The following GPX2 variants were observed in gnomAD, a reference collection of about 807,000 sequenced individuals.
GPX2 encodes the protein gastrointestinal glutathione peroxidase.
A neutral mutation model predicts 14.1 loss-of-function variants in GPX2; 21 were observed. The ratio of observed to expected loss-of-function variants is 1.48; its 90% CI spans 1.05 to 2.14. The LOEUF (loss-of-function observed/expected upper bound fraction) is 2.14. GPX2 is among the 30% of genes most tolerant of loss of function. The pLI, the probability that GPX2 is intolerant of heterozygous loss-of-function variation, is 0.00. For synonymous variants in GPX2, 94 were observed against 95.2 expected (o/e 0.99, Z 0.07); for missense variants, 241 against 249.8 (o/e 0.96, Z 0.24).
chr14:64,941,426 C>T, intron 1 of GPX2: 2 of 1,287,850 alleles, frequency 1.6e-6, no homozygotes, highest in Non-Finnish European at 2.0e-6. Flanking sequence ...TAGACTCCCT[C>T]CAGCAACTTG....
chr14:64,939,248 G>C lies in GPX2; in HGVS notation c.*240C>G. The C allele has an allele frequency of 1.9e-6, 1 of 523,078 alleles. No individual in the cohort carries two copies. Among genetic ancestry groups the C allele is most frequent in the Non-Finnish European group, 3.5e-6 (1 of 289,548 alleles). 32.4% of individuals were successfully genotyped at this position (523,078 alleles called of 1,614,324 possible). On this transcript the variant is annotated 3_prime_UTR_variant, in exon 2 of 2. Coordinates refer to ENST00000389614, the MANE Select transcript of GPX2 (RefSeq NM_002083.4). This position sits in a 1 kb window ranked among gnomAD's most constrained non-coding sequence, Gnocchi z 5.7. ...ACACCACCCATGAGGGTTTAGGAAG[G>C]TGCCATCATTCTGTGAAGGCCCAGA... is the stretch of plus-strand genomic sequence containing the variant.
At position 64,940,380 on chromosome 14, in the gene GPX2, C is replaced by G. The variant is rs1232281898; in HGVS notation, c.223-542G>C. 6.6e-6 allele frequency among the ~76,000 whole-genome samples: 1 copy of G among 152,140 alleles called. No individual in the cohort carries two copies. Among genetic ancestry groups the G allele is most frequent in the Admixed American group, 6.5e-5 (1 of 15,276 alleles). ...TCAATTGCACGTGTGTTGAGTATAG[C>G]CTTTGCCTCTGCCTACTCAGCTCCT... is the stretch of plus-strand genomic sequence containing the variant. On this transcript the variant is annotated intron_variant, in intron 1 of 1. Transcript: ENST00000389614. This position sits in a 1 kb window ranked among gnomAD's most constrained non-coding sequence, Gnocchi z 4.5.
Position 64,941,542 on chromosome 14 carries a change from CAG to C in GPX2, c.222+961_222+962del, listed in dbSNP as rs1476537431. The C allele has an allele frequency of 2.3e-6, 3 of 1,286,558 alleles. No homozygotes were observed. In the East Asian group the frequency reaches 1.7e-4, roughly 72 times the overall value. The allele number at this position is 1,286,558 out of a possible 1,614,324, so 79.7% of individuals were successfully genotyped here. A position where few individuals can be genotyped will look rare whatever the true frequency, so the allele number is the denominator to read the frequency against. On this transcript the variant is annotated intron_variant, in intron 1 of 1. Transcript: ENST00000389614. ...CTCTCCTGCTCTAGAAAAGGCCAGA[CAG>C]AAAACTTAGGGAAGAACAGTGAGAG...
In GPX2 at chr14:64,940,044, G is replaced by A. The variant is rs1885542788; in HGVS notation, c.223-206C>T. 1 of 1,472,580 alleles carries A rather than the reference G, an allele frequency of 6.8e-7. No homozygotes were observed. Among genetic ancestry groups the A allele is most frequent in the African/African-American group, 1.4e-5 (1 of 70,402 alleles). 91.2% of individuals were successfully genotyped at this position (1,472,580 alleles called of 1,614,324 possible). A position where few individuals can be genotyped will look rare whatever the true frequency, so the allele number is the denominator to read the frequency against. ...CATTCCTCCTGCTTCAGCCTCTTTA[G>A]TAGCTGAGACTACAGACACAGGCCA... is the stretch of plus-strand genomic sequence containing the variant. On this transcript the variant is annotated intron_variant, in intron 1 of 1. Transcript: ENST00000389614. This position sits in a 1 kb window ranked among gnomAD's most constrained non-coding sequence, Gnocchi z 4.5.
Position 64,942,741 on chromosome 14 carries a change from T to A in GPX2, c.-15A>T. The A allele has an allele frequency of 6.2e-7, 1 of 1,603,728 alleles. No homozygotes were observed. Among genetic ancestry groups the A allele is most frequent in the Non-Finnish European group, 8.5e-7 (1 of 1,172,036 alleles). ...ATGAAAGCCATGGTGAAGCGCAGAG[T>A]GAGCCCCGCAGAGAGGCCTGAGCCC... On this transcript the variant is annotated 5_prime_UTR_variant, in exon 1 of 2. Coordinates refer to ENST00000389614, the MANE Select transcript of GPX2 (RefSeq NM_002083.4).
chr14:64,940,691 A>C lies in GPX2; in HGVS notation c.223-853T>G, dbSNP rs1885585251. ...AGGGGGAGGGGGAGTTGAGGAAATA[A>C]GTGCTTGATGGCTAAAGATTGTGAG... is the stretch of plus-strand genomic sequence containing the variant. On this transcript the variant is annotated intron_variant, in intron 1 of 1. Transcript: ENST00000389614. The surrounding 1 kb of genome is among the most constrained non-coding windows in gnomAD (Gnocchi z 4.5). Among the ~76,000 whole-genome samples, 1 of 152,170 alleles carries C rather than the reference A, an allele frequency of 6.6e-6. No homozygotes were observed. The highest frequency in any genetic ancestry group is 2.1e-4 in the South Asian group (1 of 4,832).
rs752130421 is a variant in GPX2, at chr14:64,941,493, C to T, written c.222+1012G>A. 32 of 1,288,596 alleles carry T rather than the reference C, an allele frequency of 2.5e-5. No homozygotes were observed. In the East Asian group the frequency reaches 1.1e-3, roughly 43 times the overall value. 79.8% of individuals were successfully genotyped at this position (1,288,596 alleles called of 1,614,324 possible). A position where few individuals can be genotyped will look rare whatever the true frequency, so the allele number is the denominator to read the frequency against. ...TACTTCTGGGGCTGGAGGGACATCTCGAAAGAGGGTTTGCTACTTCTGTCT... is the reference window on the plus strand; with the variant it reads ...TACTTCTGGGGCTGGAGGGACATCTTGAAAGAGGGTTTGCTACTTCTGTCT... On this transcript the variant is annotated intron_variant, in intron 1 of 1. Coordinates refer to ENST00000389614, the MANE Select transcript of GPX2 (RefSeq NM_002083.4).
In GPX2 at chr14:64,939,348, G is replaced by C; in HGVS notation, c.*140C>G. 1 of 716,210 alleles carries C rather than the reference G, an allele frequency of 1.4e-6. No individual in the cohort carries two copies. The highest frequency in any genetic ancestry group is 2.4e-6 in the Non-Finnish European group (1 of 411,730). The allele number at this position is 716,210 out of a possible 1,614,324, so 44.4% of individuals were successfully genotyped here. A position where few individuals can be genotyped will look rare whatever the true frequency, so the allele number is the denominator to read the frequency against. ...GAGAGGAAAAGGAAACAGGCAGAGG[G>C]GAAAGGCAAGGCTCTGCAGTGAAGG... On this transcript the variant is annotated 3_prime_UTR_variant, in exon 2 of 2. Coordinates refer to ENST00000389614, the MANE Select transcript of GPX2 (RefSeq NM_002083.4). The surrounding 1 kb of genome is among the most constrained non-coding windows in gnomAD (Gnocchi z 5.7).
Position 64,942,549 on chromosome 14 carries a change from G to T in GPX2, c.178C>A (p.Arg60Ser), listed in dbSNP as rs764401050. Residue 60 changes from arginine to serine, a missense_variant, in exon 1 of 2, where the codon CGC becomes AGC. By Grantham distance (110) the Arg-to-Ser change is moderately radical (BLOSUM62 -1). Transcript: ENST00000389614. ...LNELQCRFPR[R>S]LVVLGFPCNQ... ...CAAGGGAAGCCAAGGACCACCAGGC[G>T]CCTGGGAAAGCGGCATTGCAGCTCG... The T allele has an allele frequency of 6.2e-7, 1 of 1,614,202 alleles. No homozygotes were observed. The highest frequency in any genetic ancestry group is 1.1e-5 in the South Asian group (1 of 91,090).
chr14:64,939,781 C>T lies in GPX2; in HGVS notation c.280G>A (p.Gly94Arg). ...ACAAGGGTGAAGGTGGGCTGGTATC[C>T]ACCCCCAGGACGGACATACTTGAGA... ...NSLKYVRPGG[G>R]YQPTFTLVQK... is the part of the protein sequence containing the mutation. The change falls in exon 2 of 2, where the codon GGA (glycine) becomes AGA (arginine). Residue 94 changes from glycine to arginine, a missense_variant. Coordinates refer to ENST00000389614, the MANE Select transcript of GPX2 (RefSeq NM_002083.4). This position sits in a 1 kb window ranked among gnomAD's most constrained non-coding sequence, Gnocchi z 5.7. 6.2e-7 allele frequency: 1 copy of T among 1,614,128 alleles called. No individual in the cohort carries two copies. Among genetic ancestry groups the T allele is most frequent in the Non-Finnish European group, 8.5e-7 (1 of 1,180,040 alleles).
chr14:64,941,560 A>T (rs912960205), intron 1 of GPX2: 24 of 1,282,024 alleles, frequency 1.9e-5, no homozygotes, highest in Non-Finnish European at 2.4e-5. Context: ...TTAGGGAAGA[A>T]CAGTGAGAGC....
chr14:64,942,699 C>T lies in GPX2; in HGVS notation c.28G>A (p.Asp10Asn). The change falls in exon 1 of 2, where the codon GAC (aspartate) becomes AAC (asparagine). Residue 10 changes from aspartate to asparagine, a missense_variant. Transcript: ENST00000389614. ...CCATCCAGGCTGATGGCACTGAGGT[C>T]ATAGAAGGACTTGGCAATGAAAGCC... Reference protein sequence around the residue: MAFIAKSFYDLSAISLDGEK... With the variant: MAFIAKSFYNLSAISLDGEK... 2.5e-6 allele frequency: 4 copies of T among 1,614,022 alleles called. No homozygotes were observed. Among genetic ancestry groups the T allele is most frequent in the Middle Eastern group, 1.6e-4 (1 of 6,062 alleles).
Position 64,940,786 on chromosome 14 carries a change from GCT to G in GPX2, c.223-950_223-949del, listed in dbSNP as rs1318328576. ...CTGCTGCACCTCCTATCCACTCACTGCTCTCAGCTACGCATGCTTTGGCTCAA... is the reference window on the plus strand; with the variant it reads ...CTGCTGCACCTCCTATCCACTCACTGCTCAGCTACGCATGCTTTGGCTCAA... On this transcript the variant is annotated intron_variant, in intron 1 of 1. Transcript: ENST00000389614. The surrounding 1 kb of genome is among the most constrained non-coding windows in gnomAD (Gnocchi z 4.5). 6.6e-6 allele frequency among the ~76,000 whole-genome samples: 1 copy of G among 152,106 alleles called. No homozygotes were observed. The highest frequency in any genetic ancestry group is 1.5e-5 in the Non-Finnish European group (1 of 68,022).
chr14:64,939,851 A>G lies in GPX2; in HGVS notation c.223-13T>C, dbSNP rs372636733. 199 of 1,611,430 alleles carry G rather than the reference A, an allele frequency of 1.2e-4. No homozygotes were observed. Among genetic ancestry groups the G allele is most frequent in the Non-Finnish European group, 1.6e-4 (186 of 1,178,100 alleles). On this transcript the variant is annotated splice_polypyrimidine_tract_variant and intron_variant, in intron 1 of 1. Coordinates refer to ENST00000389614, the MANE Select transcript of GPX2 (RefSeq NM_002083.4). The surrounding 1 kb of genome is among the most constrained non-coding windows in gnomAD (Gnocchi z 5.7). ...TCTGACAGTTCTCCTAGGGGAGGAA[A>G]AAGACAAAGTGCGTGGACAGTGGGT... is the stretch of plus-strand genomic sequence containing the variant.
In GPX2 at chr14:64,941,552, A is replaced by G. The variant is rs555279590; in HGVS notation, c.222+953T>C. The G allele has an allele frequency of 4.1e-4, 530 of 1,284,222 alleles. 3 individuals are homozygous for G. The African/African-American group carries it at 7.0e-3, about 17-fold the overall frequency. 79.6% of individuals were successfully genotyped at this position (1,284,222 alleles called of 1,614,324 possible). A position where few individuals can be genotyped will look rare whatever the true frequency, so the allele number is the denominator to read the frequency against. ...CTAGAAAAGGCCAGACAGAAAACTT[A>G]GGGAAGAACAGTGAGAGCAGTGAAC... is the stretch of plus-strand genomic sequence containing the variant. On this transcript the variant is annotated intron_variant, in intron 1 of 1. Transcript: ENST00000389614.
In GPX2 at chr14:64,939,283, A is replaced by G. The variant is rs1273117788; in HGVS notation, c.*205T>C. On this transcript the variant is annotated 3_prime_UTR_variant, in exon 2 of 2. Coordinates refer to ENST00000389614, the MANE Select transcript of GPX2 (RefSeq NM_002083.4). The surrounding 1 kb of genome is among the most constrained non-coding windows in gnomAD (Gnocchi z 5.7). ...TCTGTGAAGGCCCAGAGCTTACCCA[A>G]GTCTTGGAGCCCAAGTTGAATCACC... The G allele has an allele frequency of 2.4e-5, 14 of 582,382 alleles. No homozygotes were observed. Among genetic ancestry groups the G allele is most frequent in the East Asian group, 2.0e-4 (7 of 34,654 alleles). 36.1% of individuals were successfully genotyped at this position (582,382 alleles called of 1,614,324 possible).
chr14:64,941,298 G>C, intron 1 of GPX2: 1 of 1,064,164 alleles, frequency 9.4e-7, no homozygotes, highest in South Asian at 1.7e-5. Context: ...GAACTCCTGA[G>C]CTCAAGCAAT....
At position 64,940,144 on chromosome 14, in the gene GPX2, C is replaced by T. The variant is rs1211183935; in HGVS notation, c.223-306G>A. On this transcript the variant is annotated intron_variant, in intron 1 of 1. Transcript: ENST00000389614. The surrounding 1 kb of genome is among the most constrained non-coding windows in gnomAD (Gnocchi z 4.5). ...TGTTGCCCATGCTTTGGCTGCTCTT[C>T]AAGATTTAGCACTTCTGAGCTGTTG... is the stretch of plus-strand genomic sequence containing the variant. 10 of 1,361,424 alleles carry T rather than the reference C, an allele frequency of 7.3e-6. No homozygotes were observed. Among genetic ancestry groups the T allele is most frequent in the Non-Finnish European group, 9.6e-6 (10 of 1,036,860 alleles). 84.3% of individuals were successfully genotyped at this position (1,361,424 alleles called of 1,614,324 possible). A position where few individuals can be genotyped will look rare whatever the true frequency, so the allele number is the denominator to read the frequency against.
intron 1 of GPX2, chr14:64,941,348 G>A: frequency 3.2e-6 from 4 of 1,255,720 alleles, no homozygotes; most frequent in Non-Finnish European, 4.1e-6. Context: ...GATTATAGGT[G>A]TGAGCCACTG....
Sources: gnomAD v4.1 joint callset for allele counts (sites outside exome capture counted in the v4.1 genomes callset) on GRCh38, gnomAD v4.1.1 for gene constraint, Gnocchi (gnomAD v3.1) non-coding constraint, MANE v1.5 for transcripts, NCBI Gene and HGNC (gene_info 2026-07-23, HGNC 2026-07-21) for gene names.